The following KCNH8 variants were observed in gnomAD, a reference collection of about 807,000 sequenced individuals.
KCNH8 encodes voltage-gated delayed rectifier potassium channel KCNH8.
Under a neutral mutation model 103.6 loss-of-function variants are expected in KCNH8, and 70 were observed. That is an observed-to-expected ratio of 0.68 (90% CI 0.56 to 0.82). KCNH8 has a LOEUF of 0.82. Among genes scored for constraint, KCNH8 ranks in the 40% least tolerant of loss-of-function variants. The pLI, the probability that KCNH8 is intolerant of heterozygous loss-of-function variation, is 0.00. For synonymous variants in KCNH8, 498 were observed against 489.4 expected (o/e 1.02, Z -0.23); for missense variants, 1,217 against 1,329.9 (o/e 0.92, Z 1.32).
intron 3 of KCNH8, among the ~76,000 whole-genome samples, chr3:19,312,041 T>C (rs1192421744): frequency 6.6e-6 from 1 of 151,952 alleles, no homozygotes; most frequent in Non-Finnish European, 1.5e-5. Context: ...CGCAGTGTTT[T>C]GCACTTATAT....
At chr3:19,498,904 G>T (rs1356746515) in intron 11 of KCNH8, among the ~76,000 whole-genome samples, 1 of 152,138 alleles carries the variant, frequency 6.6e-6, no homozygotes, top group Admixed American at 6.5e-5. Flanking sequence ...GGGGTCAGGG[G>T]TCAGGGACCC....
chr3:19,299,986 C>T (rs962660933), intron 3 of KCNH8, among the ~76,000 whole-genome samples: 1 of 151,934 alleles, frequency 6.6e-6, no homozygotes, highest in Non-Finnish European at 1.5e-5. Flanking sequence ...TGGTAGCTCA[C>T]GCCTGTAATC....
At chr3:19,292,356 C>G (rs1235077537) in intron 3 of KCNH8, among the ~76,000 whole-genome samples, 1 of 152,150 alleles carries the variant, frequency 6.6e-6, no homozygotes, top group Non-Finnish European at 1.5e-5. Flanking sequence ...TAATACAAAT[C>G]AAGATTCCAA....
intron 11 of KCNH8, among the ~76,000 whole-genome samples, chr3:19,489,686 T>A (rs1410273506): frequency 6.6e-6 from 1 of 152,086 alleles, no homozygotes; most frequent in Non-Finnish European, 1.5e-5. Context: ...GCCTCACCCA[T>A]GTTTCCTCCA....
At chr3:19,315,214 A>G (rs2065257788) in intron 3 of KCNH8, among the ~76,000 whole-genome samples, 1 of 151,976 alleles carries the variant, frequency 6.6e-6, no homozygotes. Context: ...CAGAACTGGT[A>G]AAGAAAATGA....
intron 9 of KCNH8, 138 bp downstream of exon 9, chr3:19,450,443 C>T: frequency 1.4e-6 from 1 of 698,626 alleles, no homozygotes. Flanking sequence ...ATTCATGAAT[C>T]CCAATCCATC....
At chr3:19,213,467 T>C (rs1199171620) in intron 1 of KCNH8, among the ~76,000 whole-genome samples, 1 of 152,170 alleles carries the variant, frequency 6.6e-6, no homozygotes, top group Non-Finnish European at 1.5e-5. Flanking sequence ...CTAGGATGTC[T>C]AGTAGGCATT....
intron 3 of KCNH8, among the ~76,000 whole-genome samples, chr3:19,315,395 A>G (rs1230629259): frequency 2.6e-5 from 4 of 152,138 alleles, no homozygotes; most frequent in South Asian, 2.1e-4. Context: ...TGATAGCTCT[A>G]CAAATGCTGA....
intron 5 of KCNH8, among the ~76,000 whole-genome samples, chr3:19,376,817 T>G (rs2066214784): frequency 1.3e-5 from 2 of 152,192 alleles, no homozygotes; most frequent in South Asian, 2.1e-4. Flanking sequence ...AACAAAAGTT[T>G]GGGATACTAA....
At chr3:19,419,290 C>A (rs1466594767) in intron 7 of KCNH8, among the ~76,000 whole-genome samples, 2 of 148,918 alleles carry the variant, frequency 1.3e-5, no homozygotes, top group African/African-American at 2.5e-5. Context: ...AGCTCTGCCT[C>A]CCGGGTTCAC....
chr3:19,181,918 A>G (rs2063456854), intron 1 of KCNH8, among the ~76,000 whole-genome samples: 1 of 152,136 alleles, frequency 6.6e-6, no homozygotes, highest in Non-Finnish European at 1.5e-5. Context: ...TTTTTCACAT[A>G]CAAACACATA....
intron 1 of KCNH8, among the ~76,000 whole-genome samples, chr3:19,213,076 A>G (rs1376416956): frequency 6.6e-6 from 1 of 152,166 alleles, no homozygotes; most frequent in East Asian, 1.9e-4. Flanking sequence ...TTGAGCTTGG[A>G]GATCATAGAC....
intron 11 of KCNH8, among the ~76,000 whole-genome samples, chr3:19,486,765 A>G (rs1374078577): frequency 6.6e-6 from 1 of 152,134 alleles, no homozygotes; most frequent in Non-Finnish European, 1.5e-5. Context: ...AGTACTGCAA[A>G]GTTTGGAATC....
chr3:19,523,622 T>A (rs1016598389), intron 15 of KCNH8, among the ~76,000 whole-genome samples: 2 of 151,978 alleles, frequency 1.3e-5, no homozygotes, highest in Non-Finnish European at 1.5e-5. Flanking sequence ...GTTGTTCGGT[T>A]TGAAAGATAA....
intron 2 of KCNH8, among the ~76,000 whole-genome samples, chr3:19,262,462 A>G (rs993295371): frequency 9.9e-5 from 15 of 152,068 alleles, no homozygotes; most frequent in African/African-American, 3.6e-4. Flanking sequence ...AAATAGGAAA[A>G]GAGACAATGA....
chr3:19,293,514 G>A (rs1349875150), intron 3 of KCNH8, among the ~76,000 whole-genome samples: 1 of 152,144 alleles, frequency 6.6e-6, no homozygotes. Flanking sequence ...TAGACCTTTC[G>A]ATCAGAATCT....
intron 3 of KCNH8, among the ~76,000 whole-genome samples, chr3:19,288,092 T>A (rs2064859094): frequency 6.6e-6 from 1 of 151,788 alleles, no homozygotes; most frequent in Non-Finnish European, 1.5e-5. Context: ...TCTACTTTAG[T>A]TCATAGTAAG....
intron 3 of KCNH8, among the ~76,000 whole-genome samples, chr3:19,341,527 A>G (rs911968539): frequency 2.0e-5 from 3 of 152,180 alleles, no homozygotes; most frequent in African/African-American, 7.2e-5. Context: ...AACAAATTCC[A>G]AAGTCAAGCA....
intron 3 of KCNH8, among the ~76,000 whole-genome samples, chr3:19,315,917 A>G (rs532816217): frequency 1.4e-4 from 21 of 152,124 alleles, no homozygotes; most frequent in African/African-American, 4.8e-4. Flanking sequence ...AGAAACTTAG[A>G]TCACTATTTG....
Sources: gnomAD v4.1 joint callset for allele counts (sites outside exome capture counted in the v4.1 genomes callset) on GRCh38, gnomAD v4.1.1 for gene constraint, MANE v1.5 for transcripts, NCBI Gene and HGNC (gene_info 2026-07-23, HGNC 2026-07-21) for gene names.